Variants in MOCOS observed in about 807,000 individuals in gnomAD.
MOCOS encodes the protein molybdenum cofactor sulfurase, also known as human molybdenum cofactor sulfurase.
A neutral mutation model predicts 83.6 loss-of-function variants in MOCOS; 86 were observed. That is an observed-to-expected ratio of 1.03 (90% CI 0.86 to 1.23). MOCOS has a LOEUF of 1.23. Among genes scored for constraint, MOCOS ranks in the 50% most tolerant of loss-of-function variants. The pLI, the probability that MOCOS is intolerant of heterozygous loss-of-function variation, is 0.00. For missense variants in MOCOS, 1,120 were observed against 1,126.9 expected (o/e 0.99, Z 0.09); for synonymous variants, 445 against 434.7 (o/e 1.02, Z -0.29).
chr18:36,256,773 A>G, intron 11 of MOCOS, 195 bp from the exon 12 acceptor site: 1 of 574,696 alleles, frequency 1.7e-6, no homozygotes, highest in Non-Finnish European at 3.2e-6. Flanking sequence ...TAAACAGAGT[A>G]TTCTAGAATC....
Position 36,267,929 on chromosome 18 carries a change from C to T in MOCOS, c.2515-604C>T, listed in dbSNP as rs1233096412. 3.3e-5 allele frequency among the ~76,000 whole-genome samples: 5 copies of T among 152,188 alleles called. No homozygotes were observed. The East Asian group carries it at 5.8e-4, about 18-fold the overall frequency. On this transcript the variant is annotated intron_variant, in intron 14 of 14. Coordinates refer to ENST00000261326, the MANE Select transcript of MOCOS (RefSeq NM_017947.4). ...AATCATGAGGAATTGGCCCAATCCC[C>T]TAGCCTGGGGCCTGGAACATGAGGG...
chr18:36,206,261 T>TTC (rs1179031537), intron 6 of MOCOS, among the ~76,000 whole-genome samples: 2 of 147,680 alleles, frequency 1.4e-5, no homozygotes, highest in African/African-American at 5.0e-5. Context: ...TTTTTTTTTT[T>TTC]TTTGAGATGG....
At chr18:36,208,279 CT>C (rs1249298121) in intron 6 of MOCOS, among the ~76,000 whole-genome samples, 1 of 148,328 alleles carries the variant, frequency 6.7e-6, no homozygotes, top group Non-Finnish European at 1.5e-5. Context: ...GCTATTTGGG[CT>C]CTTTTTTGGT....
At position 36,200,177 on chromosome 18, in the gene MOCOS, T is replaced by C. The variant is rs763330791; in HGVS notation, c.794T>C (p.Ile265Thr). Residue 265 changes from isoleucine (I) to threonine (T), a missense_variant, in exon 4 of 15, where the codon ATC becomes ACC. Physicochemically the swap from Ile to Thr is moderately conservative, Grantham distance 89. Transcript: ENST00000261326. The stretch of plus-strand genomic sequence containing the variant: ...TTTGTCCCCATCTCCTTCTATAAGA[T>C]CTTCGGGTTTCCTACAGGCCTGGGC... ...ADFVPISFYK[I>T]FGFPTGLGAL... 2 of 1,614,228 alleles carry C rather than the reference T, an allele frequency of 1.2e-6. No homozygotes were observed. The highest frequency in any genetic ancestry group is 2.2e-5 in the East Asian group (1 of 44,886).
intron 11 of MOCOS, among the ~76,000 whole-genome samples, chr18:36,253,751 C>T (rs1172061780): frequency 6.6e-6 from 1 of 151,014 alleles, no homozygotes; most frequent in African/African-American, 2.4e-5. Flanking sequence ...GCTTGGCATT[C>T]ATGGGCTCAG....
At position 36,205,097 on chromosome 18, in the gene MOCOS, C is replaced by T; in HGVS notation, c.1039C>T (p.Gln347Ter). The change falls in exon 6 of 15, where the codon CAG (glutamine) becomes TAG (stop). Residue 347 changes from glutamine (Q) to a stop codon, truncating the protein, a stop_gained. Coordinates refer to ENST00000261326, the MANE Select transcript of MOCOS (RefSeq NM_017947.4). LOFTEE classifies it high-confidence loss of function. Reference sequence around the variant, plus strand: ...TTGAGGTGGAATGGAGAATATAAAGCAGCACACCTTCACCTTGGCTCAGTA... The same window carrying T: ...TTGAGGTGGAATGGAGAATATAAAGTAGCACACCTTCACCTTGGCTCAGTA... ...RLTGGMENIKQHTFTLAQYTY... is the reference protein window; with the variant it reads ...RLTGGMENIK 6.2e-7 allele frequency: 1 copy of T among 1,607,086 alleles called. No homozygotes were observed. Among genetic ancestry groups the T allele is most frequent in the Non-Finnish European group, 8.5e-7 (1 of 1,175,792 alleles).
intron 1 of MOCOS, among the ~76,000 whole-genome samples, chr18:36,192,422 T>C (rs1248540055): frequency 6.6e-6 from 1 of 152,130 alleles, no homozygotes; most frequent in Non-Finnish European, 1.5e-5. Context: ...CACTGAAAAT[T>C]GTAAAACATC....
At position 36,270,999 on chromosome 18, in the gene MOCOS, T is replaced by G. The variant is rs1355683021; in HGVS notation, c.*2314T>G. The G allele has an allele frequency of 6.6e-6, 1 of 151,892 alleles. No homozygotes were observed. The highest frequency in any genetic ancestry group is 6.6e-5 in the Admixed American group (1 of 15,252). The allele number at this position is 151,892 out of a possible 1,614,324, so 9.4% of individuals were successfully genotyped here. On this transcript the variant is annotated 3_prime_UTR_variant, in exon 15 of 15. Transcript: ENST00000261326. ...CCAGCTAATTTTTTTTTTCTTTTTT[T>G]TCTTTTTGGTAGAGATGGCATCTCA... is the stretch of plus-strand genomic sequence containing the variant.
Position 36,271,568 on chromosome 18 carries a change from A to C in MOCOS, c.*2883A>C, listed in dbSNP as rs941620269. The C allele has an allele frequency of 6.6e-6, 1 of 152,170 alleles. No homozygotes were observed. Among genetic ancestry groups the C allele is most frequent in the African/African-American group, 2.4e-5 (1 of 41,424 alleles). The allele number at this position is 152,170 out of a possible 1,614,324, so 9.4% of individuals were successfully genotyped here. A position where few individuals can be genotyped will look rare whatever the true frequency, so the allele number is the denominator to read the frequency against. ...CCTTATGTGCTTCTCAAAGTGTATA[A>C]CAAAATCAAAGACAATGTCATGTCC... On this transcript the variant is annotated 3_prime_UTR_variant, in exon 15 of 15. Transcript: ENST00000261326.
chr18:36,215,728 G>C lies in MOCOS; in HGVS notation c.1548G>C (p.Gln516His). 6.8e-6 allele frequency: 11 copies of C among 1,614,208 alleles called. No individual in the cohort carries two copies. The highest frequency in any genetic ancestry group is 9.3e-6 in the Non-Finnish European group (11 of 1,180,038). The change falls in exon 8 of 15, where the codon CAG (glutamine) becomes CAC (histidine). Residue 516 changes from glutamine to histidine, a missense_variant. Gln to His is a conservative substitution (Grantham distance 24). Coordinates refer to ENST00000261326, the MANE Select transcript of MOCOS (RefSeq NM_017947.4). ...CTGGAGCCCCATCAGCAGACAGCCA[G>C]GCTGATGTTATACCTGCTGTCATGG... The part of the protein sequence containing the change: ...GETGAPSADS[Q>H]ADVIPAVMGR...
At chr18:36,220,524 T>C (rs2091492343) in intron 9 of MOCOS, among the ~76,000 whole-genome samples, 2 of 151,860 alleles carry the variant, frequency 1.3e-5, no homozygotes, top group Non-Finnish European at 2.9e-5. Flanking sequence ...AAAAAATGGG[T>C]AAAATAACCT....
At chr18:36,217,429 C>G (rs1428548996) in intron 8 of MOCOS, among the ~76,000 whole-genome samples, 2 of 151,518 alleles carry the variant, frequency 1.3e-5, no homozygotes, top group African/African-American at 4.8e-5. Flanking sequence ...TTTTTTGCAT[C>G]TTTACTACTG....
chr18:36,191,169 T>C (rs1021573335), intron 1 of MOCOS, among the ~76,000 whole-genome samples: 1 of 152,082 alleles, frequency 6.6e-6, no homozygotes, highest in Non-Finnish European at 1.5e-5. Flanking sequence ...TCCTGAGGCC[T>C]CCCCAGCCAT....
intron 10 of MOCOS, among the ~76,000 whole-genome samples, chr18:36,250,529 C>T (rs2091618106): frequency 6.6e-6 from 1 of 152,086 alleles, no homozygotes; most frequent in South Asian, 2.1e-4. Context: ...GGCCCTGGTC[C>T]CAGGATGCCT....
intron 8 of MOCOS, 120 bp downstream of exon 8, chr18:36,216,097 A>T: frequency 9.2e-7 from 1 of 1,088,078 alleles, no homozygotes; most frequent in Non-Finnish European, 1.3e-6. Flanking sequence ...GTGGTGAGAA[A>T]AGCCATTCTC....
chr18:36,269,810 C>G lies in MOCOS; in HGVS notation c.*1125C>G, dbSNP rs2091693440. 1 of 152,376 alleles carries G rather than the reference C, an allele frequency of 6.6e-6. No individual in the cohort carries two copies. Among genetic ancestry groups the G allele is most frequent in the Non-Finnish European group, 1.5e-5 (1 of 68,156 alleles). 9.4% of individuals were successfully genotyped at this position (152,376 alleles called of 1,614,324 possible). On this transcript the variant is annotated 3_prime_UTR_variant, in exon 15 of 15. Transcript: ENST00000261326. ...AGTCACTTCTCCCCCAAATGTCTGCCTGCTGCAGCCCACTGCATCTTTTGA... is the reference window on the plus strand; with the variant it reads ...AGTCACTTCTCCCCCAAATGTCTGCGTGCTGCAGCCCACTGCATCTTTTGA...
intron 9 of MOCOS, among the ~76,000 whole-genome samples, chr18:36,245,571 T>C (rs1320382803): frequency 6.6e-6 from 1 of 152,204 alleles, no homozygotes; most frequent in East Asian, 1.9e-4. Flanking sequence ...TTCCTTCATC[T>C]TGACTTTAGC....
chr18:36,266,141 C>G (rs2091680977), intron 13 of MOCOS, among the ~76,000 whole-genome samples: 1 of 151,926 alleles, frequency 6.6e-6, no homozygotes, highest in South Asian at 2.1e-4. Context: ...GGCTCTGCGA[C>G]CTCCTCCTCC....
At chr18:36,200,546 C>T (rs1389235578) in intron 4 of MOCOS, among the ~76,000 whole-genome samples, 1 of 152,136 alleles carries the variant, frequency 6.6e-6, no homozygotes, top group Non-Finnish European at 1.5e-5. Flanking sequence ...AGAGGCTTCT[C>T]CAGAGCTGTG....
Sources: gnomAD v4.1 joint callset for allele counts (sites outside exome capture counted in the v4.1 genomes callset) on GRCh38, gnomAD v4.1.1 for gene constraint, MANE v1.5 for transcripts, NCBI Gene and HGNC (gene_info 2026-07-23, HGNC 2026-07-21) for gene names.